The following TXLNB variants were observed in gnomAD, a reference collection of about 807,000 sequenced individuals.
TXLNB encodes the protein taxilin beta, also known as beta-taxilin.
Under a neutral mutation model 57.4 loss-of-function variants are expected in TXLNB, and 37 were observed. The ratio of observed to expected loss-of-function variants is 0.64; its 90% CI spans 0.50 to 0.85. The LOEUF is 0.85. TXLNB is among the 40% of genes least tolerant of loss of function. The probability of loss-of-function intolerance (pLI) is 0.00; values close to 1 mark genes in which losing one functional copy is unlikely to be tolerated. For missense variants in TXLNB, 848 were observed against 825.6 expected, an observed-to-expected ratio of 1.03 and a Z score of -0.33; for synonymous variants, 302 against 309.6, an observed-to-expected ratio of 0.98 and a Z score of 0.26.
the TXLNB span, among the ~76,000 whole-genome samples, chr6:139,316,323 T>C: frequency 3.3e-5 from 5 of 152,094 alleles, no homozygotes; most frequent in African/African-American, 9.7e-5. Context: ...CTGATCACCT[T>C]TGATATATGA....
chr6:139,294,886 G>A (rs143239294), upstream of TXLNB, among the ~76,000 whole-genome samples: 662 of 152,198 alleles, frequency 4.3e-3, 6 homozygotes, highest in East Asian at 0.03. Flanking sequence ...CTACTGGGGA[G>A]GCTGGGGCAG....
At chr6:139,162,969 A>G in the TXLNB span, among the ~76,000 whole-genome samples, 1 of 152,238 alleles carries the variant, frequency 6.6e-6, no homozygotes, top group East Asian at 1.9e-4. Context: ...TACCCTCTGG[A>G]AAGAGTTTCC....
the TXLNB span, among the ~76,000 whole-genome samples, chr6:139,216,983 C>CA: frequency 6.6e-6 from 1 of 152,054 alleles, no homozygotes; most frequent in African/African-American, 2.4e-5. Flanking sequence ...ATCCACATAA[C>CA]AAAAAACCAC....
At chr6:139,290,487 A>G (rs1170416202) in intron 1 of TXLNB, among the ~76,000 whole-genome samples, 1 of 152,218 alleles carries the variant, frequency 6.6e-6, no homozygotes. Context: ...AAAGAGAAAA[A>G]CAGATTACAA....
chr6:139,281,439 C>T (rs1434172759), intron 2 of TXLNB, among the ~76,000 whole-genome samples: 1 of 151,354 alleles, frequency 6.6e-6, no homozygotes, highest in Non-Finnish European at 1.5e-5. Flanking sequence ...AGATTTTGTT[C>T]CCTTTGGCTG....
intron 2 of TXLNB, among the ~76,000 whole-genome samples, chr6:139,279,117 T>C (rs1246631988): frequency 6.6e-6 from 1 of 152,244 alleles, no homozygotes; most frequent in African/African-American, 2.4e-5. Flanking sequence ...CCTGTGATGT[T>C]TTATGTATCC....
At chr6:139,194,580 G>T in the TXLNB span, among the ~76,000 whole-genome samples, 1 of 152,120 alleles carries the variant, frequency 6.6e-6, no homozygotes, top group African/African-American at 2.4e-5. Context: ...AATATGTTTA[G>T]AATTCAACCA....
chr6:139,195,100 T>C, the TXLNB span, among the ~76,000 whole-genome samples: 2 of 152,198 alleles, frequency 1.3e-5, no homozygotes, highest in African/African-American at 4.8e-5. Flanking sequence ...ATTTGTTTCC[T>C]TGCCCTTTCC....
the TXLNB span, among the ~76,000 whole-genome samples, chr6:139,212,380 G>C: frequency 6.6e-6 from 1 of 152,048 alleles, no homozygotes; most frequent in Non-Finnish European, 1.5e-5. Flanking sequence ...GCCAAACTAA[G>C]CTTCATAAGT....
chr6:139,235,327 T>C (rs542109973), downstream of TXLNB, among the ~76,000 whole-genome samples: 4 of 152,300 alleles, frequency 2.6e-5, no homozygotes, highest in African/African-American at 9.6e-5. Context: ...TAACTTGTTT[T>C]TGATTTTACA....
intron 6 of TXLNB, 142 bp downstream of exon 6, chr6:139,260,176 C>T (rs1260212881): frequency 1.3e-5 from 13 of 982,270 alleles, no homozygotes; most frequent in East Asian, 8.4e-5. Context: ...GCTGAGATCA[C>T]GCCACTGCAT....
chr6:139,268,766 T>G (rs1776679936), intron 4 of TXLNB, among the ~76,000 whole-genome samples: 1 of 152,212 alleles, frequency 6.6e-6, no homozygotes, highest in South Asian at 2.1e-4. Context: ...TTAATGTCAT[T>G]GTTCATAATG....
intron 3 of TXLNB, among the ~76,000 whole-genome samples, chr6:139,275,784 C>T (rs1051698338): frequency 5.3e-5 from 8 of 152,012 alleles, no homozygotes; most frequent in African/African-American, 1.9e-4. Context: ...TTTTGGAGGC[C>T]CTCTTCAAAA....
At chr6:139,273,927 A>G (rs964299035) in intron 3 of TXLNB, among the ~76,000 whole-genome samples, 8 of 152,346 alleles carry the variant, frequency 5.3e-5, no homozygotes, top group African/African-American at 1.7e-4. Context: ...CCTAGCTTCA[A>G]TCAAATGCTG....
intron 4 of TXLNB, among the ~76,000 whole-genome samples, chr6:139,268,151 C>CAAAAAA (rs59647726): frequency 2.3e-4 from 15 of 64,508 alleles, no homozygotes; most frequent in African/African-American, 4.4e-4. Context: ...CTCCATCTCA[C>CAAAAAA]AAAAAAAAAA....
the TXLNB span, among the ~76,000 whole-genome samples, chr6:139,230,746 C>CA: frequency 4.6e-5 from 7 of 152,208 alleles, no homozygotes; most frequent in Non-Finnish European, 1.0e-4. Context: ...CAGCCTCACA[C>CA]ACCTGCCTGT....
chr6:139,215,949 G>T, the TXLNB span, among the ~76,000 whole-genome samples: 1 of 151,652 alleles, frequency 6.6e-6, no homozygotes, highest in Admixed American at 6.6e-5. Flanking sequence ...AGTTAGAATG[G>T]CAATCATTAA....
At chr6:139,225,506 A>G in the TXLNB span, among the ~76,000 whole-genome samples, 2 of 152,200 alleles carry the variant, frequency 1.3e-5, no homozygotes, top group African/African-American at 2.4e-5. Flanking sequence ...TACATAAAAA[A>G]ATTATATTTT....
chr6:139,208,166 C>T, the TXLNB span, among the ~76,000 whole-genome samples: 1 of 152,024 alleles, frequency 6.6e-6, no homozygotes, highest in Admixed American at 6.6e-5. Context: ...ACTATGAACA[C>T]CTTTATGTAC....
Sources: gnomAD v4.1 joint callset for allele counts (sites outside exome capture counted in the v4.1 genomes callset) on GRCh38, gnomAD v4.1.1 for gene constraint, MANE v1.5 for transcripts, NCBI Gene and HGNC (gene_info 2026-07-23, HGNC 2026-07-21) for gene names.